Variants in TRAIP observed in about 807,000 individuals in gnomAD.
TRAIP encodes TRAF interacting protein.
A neutral mutation model predicts 65.0 loss-of-function variants in TRAIP; 37 were observed. The ratio of observed to expected loss-of-function variants is 0.57; its 90% confidence interval spans 0.44 to 0.75. The LOEUF (loss-of-function observed/expected upper bound fraction) is 0.75, where lower values mean the gene tolerates loss of function less well. TRAIP is among the 30% of genes least tolerant of loss of function. The pLI, the probability that TRAIP is intolerant of heterozygous loss-of-function variation, is 0.00. For synonymous variants in TRAIP, 187 were observed against 219.1 expected (o/e 0.85, Z 1.29); for missense variants, 481 against 579.4 (o/e 0.83, Z 1.74).
chr3:49,838,540 A>G (rs1231703826), intron 10 of TRAIP, among the ~76,000 whole-genome samples: 1 of 152,246 alleles, frequency 6.6e-6, no homozygotes, highest in Non-Finnish European at 1.5e-5. Flanking sequence ...GCACTCATCA[A>G]GGACCTGCTG....
chr3:49,855,988 G>A (rs2108324595), intron 1 of TRAIP, among the ~76,000 whole-genome samples: 1 of 152,318 alleles, frequency 6.6e-6, no homozygotes, highest in East Asian at 1.9e-4. Flanking sequence ...AAACTCTCTT[G>A]GGTAGCCAGA....
rs937032672 is a variant in TRAIP, at chr3:49,828,795, G to A, written c.*308C>T. 3.9e-5 allele frequency: 13 copies of A among 331,412 alleles called. No individual in the cohort carries two copies. Among genetic ancestry groups the A allele is most frequent in the Admixed American group, 3.8e-4 (10 of 26,616 alleles). 20.5% of individuals were successfully genotyped at this position (331,412 alleles called of 1,614,324 possible). ...CCACAGAGACAGTCAACAAGTGACC[G>A]TGGTCTCCAGGCCCAGAAAGAGTCT... On this transcript the variant is annotated 3_prime_UTR_variant, in exon 15 of 15. Transcript: ENST00000331456.
chr3:49,831,884 G>A (rs1478670556), intron 11 of TRAIP, 32 bp downstream of exon 11: 1 of 1,516,498 alleles, frequency 6.6e-7, no homozygotes. Flanking sequence ...CCCCCTACCA[G>A]CCCATGGACA....
intron 9 of TRAIP, 125 bp downstream of exon 9, chr3:49,840,159 G>A: frequency 2.2e-6 from 2 of 889,216 alleles, no homozygotes; most frequent in South Asian, 1.5e-5. Flanking sequence ...CCTGACCCAG[G>A]AGGATGCAGG....
intron 1 of TRAIP, among the ~76,000 whole-genome samples, chr3:49,851,462 C>G (rs902195122): frequency 5.3e-5 from 8 of 152,220 alleles, no homozygotes; most frequent in African/African-American, 1.9e-4. Context: ...AATCATGAGT[C>G]ACTGCAGCCT....
chr3:49,839,891 A>G (rs777423166), intron 9 of TRAIP, 31 bp from the exon 10 acceptor site: 10 of 1,604,578 alleles, frequency 6.2e-6, no homozygotes, highest in Non-Finnish European at 6.8e-6. Context: ...TGTGTGAGAG[A>G]AAGGCTGAGG....
Position 49,830,079 on chromosome 3 carries a change from G to A in TRAIP, c.1038-11C>T. 1 of 1,614,104 alleles carries A rather than the reference G, an allele frequency of 6.2e-7. No homozygotes were observed. Among genetic ancestry groups the A allele is most frequent in the East Asian group, 2.2e-5 (1 of 44,890 alleles). ...TCCTGAATTGGGGAGCTACAAGAAT[G>A]AGAGAGAAGGCAAGGGGTAGGTAAG... On this transcript the variant is annotated splice_polypyrimidine_tract_variant and intron_variant, in intron 11 of 14. Transcript: ENST00000331456.
At chr3:49,839,200 G>GAA (rs771963914) in intron 10 of TRAIP, among the ~76,000 whole-genome samples, 1 of 134,766 alleles carries the variant, frequency 7.4e-6, no homozygotes. Context: ...AAAGAAAAAG[G>GAA]AAAAAAAAAA....
At chr3:49,856,223 T>C in intron 1 of TRAIP, 133 bp downstream of exon 1, 5 of 744,360 alleles carry the variant, frequency 6.7e-6, no homozygotes, top group Non-Finnish European at 1.1e-5. Context: ...GAAGCTCCCG[T>C]GGGGCCTCGT....
At chr3:49,846,344 G>A (rs2081881801) in intron 3 of TRAIP, among the ~76,000 whole-genome samples, 1 of 152,110 alleles carries the variant, frequency 6.6e-6, no homozygotes, top group Non-Finnish European at 1.5e-5. Context: ...GATTACAGGT[G>A]TGAGCCATCA....
intron 1 of TRAIP, among the ~76,000 whole-genome samples, chr3:49,848,622 G>C (rs1303448663): frequency 6.6e-6 from 1 of 152,042 alleles, no homozygotes; most frequent in Non-Finnish European, 1.5e-5. Context: ...TTAGATATAA[G>C]GAATAAAATC....
At chr3:49,844,379 C>T (rs892186763) in intron 4 of TRAIP, among the ~76,000 whole-genome samples, 162 bp downstream of exon 4, 8 of 152,214 alleles carry the variant, frequency 5.3e-5, no homozygotes, top group Non-Finnish European at 1.2e-4. Flanking sequence ...TCCCTTCCCT[C>T]TCTTTTTCTG....
chr3:49,831,752 T>A (rs985266022), intron 11 of TRAIP, among the ~76,000 whole-genome samples, 164 bp downstream of exon 11: 1 of 152,094 alleles, frequency 6.6e-6, no homozygotes, highest in Admixed American at 6.6e-5. Flanking sequence ...ACAGATTGAG[T>A]GCTCAGGTGA....
At chr3:49,853,565 G>T (rs1364178641) in intron 1 of TRAIP, among the ~76,000 whole-genome samples, 4 of 152,184 alleles carry the variant, frequency 2.6e-5, no homozygotes, top group Non-Finnish European at 5.9e-5. Flanking sequence ...GACAAGATAG[G>T]CCAGGCACGG....
Position 49,849,355 on chromosome 3 carries a change from G to A in TRAIP, c.99-1155C>T, listed in dbSNP as rs146461518. ...AAAAAAAAAAGAGTGGCCGGGCGCA[G>A]TGGCTCACGCCTGTAATCCCAGCAC... On this transcript the variant is annotated intron_variant, in intron 1 of 14. Transcript: ENST00000331456. Among the ~76,000 whole-genome samples, 14 of 151,446 alleles carry A rather than the reference G, an allele frequency of 9.2e-5. No individual in the cohort carries two copies. The East Asian group carries it at 2.7e-3, about 29-fold the overall frequency.
chr3:49,842,251 G>T (rs373030759), intron 6 of TRAIP, among the ~76,000 whole-genome samples: 2 of 152,086 alleles, frequency 1.3e-5, no homozygotes, highest in South Asian at 2.1e-4. Context: ...ATGTGGCAAG[G>T]GCTCCCATTC....
intron 5 of TRAIP, 46 bp downstream of exon 5, chr3:49,843,755 C>T (rs2081858289): frequency 1.3e-6 from 2 of 1,589,436 alleles, no homozygotes. Context: ...AGTTCTGGGG[C>T]AATACCTCCC....
intron 1 of TRAIP, among the ~76,000 whole-genome samples, chr3:49,849,259 C>G (rs1048002367): frequency 2.0e-5 from 3 of 152,084 alleles, no homozygotes; most frequent in Non-Finnish European, 4.4e-5. Flanking sequence ...CTCCTCCCAC[C>G]TCAGCCTCCC....
intron 1 of TRAIP, among the ~76,000 whole-genome samples, chr3:49,851,605 CAG>C (rs2081931411): frequency 6.6e-6 from 1 of 151,870 alleles, no homozygotes; most frequent in Non-Finnish European, 1.5e-5. Context: ...CTGTGTTGCC[CAG>C]ACTGGTCTTG....
Sources: allele counts gnomAD v4.1 joint callset (sites outside exome capture counted in the v4.1 genomes callset), GRCh38; gene constraint gnomAD v4.1.1; transcripts MANE v1.5; gene names NCBI Gene and HGNC (gene_info 2026-07-23, HGNC 2026-07-21).